The following ZNF33B variants were observed in gnomAD, a reference collection of about 807,000 sequenced individuals.
The protein encoded by ZNF33B is zinc finger protein 33B.
In ZNF33B, 29 loss-of-function variants were observed where a neutral mutation model predicts 45.8. That is an observed-to-expected ratio of 0.63 (90% CI 0.47 to 0.86). The LOEUF is 0.86. Among genes scored for constraint, ZNF33B ranks in the 40% least tolerant of loss-of-function variants. The probability of loss-of-function intolerance (pLI) is 0.00; values close to 1 mark genes in which losing one functional copy is unlikely to be tolerated. For synonymous variants in ZNF33B, 305 were observed against 307.8 expected (o/e 0.99, Z 0.10); for missense variants, 831 against 909.9 (o/e 0.91, Z 1.12).
rs1252686659 is a variant in ZNF33B at position 42,590,456 on chromosome 10, C to T, written c.*2157G>A. 6.6e-6 allele frequency: 1 copy of T among 152,226 alleles called. No homozygotes were observed. Among genetic ancestry groups the T allele is most frequent in the Non-Finnish European group, 1.5e-5 (1 of 68,104 alleles). 9.4% of individuals were successfully genotyped at this position (152,226 alleles called of 1,614,324 possible). ...CTGGAGTACAGTGGCACAATCTTGGCTCACTGCAACCTCCACCTCCCAGGT... is the reference window on the plus strand; with the variant it reads ...CTGGAGTACAGTGGCACAATCTTGGTTCACTGCAACCTCCACCTCCCAGGT... On this transcript the variant is annotated 3_prime_UTR_variant, in exon 5 of 5. Coordinates refer to ENST00000359467, the MANE Select transcript of ZNF33B (RefSeq NM_006955.3).
intron 4 of ZNF33B, among the ~76,000 whole-genome samples, chr10:42,628,965 CAAAAG>C (rs980077662): frequency 1.1e-4 from 17 of 152,066 alleles, no homozygotes; most frequent in African/African-American, 4.1e-4. Context: ...GATATATACC[CAAAAG>C]AAAAGAAATC....
At position 42,593,708 on chromosome 10, in the gene ZNF33B, C is replaced by T. The variant is rs7904627; in HGVS notation, c.1242G>A (p.Gln414=). 147,261 of 1,612,792 alleles carry T rather than the reference C, an allele frequency of 0.091. 9,562 individuals are homozygous for T. The highest frequency in any genetic ancestry group is 0.31 in the African/African-American group (23,234 of 74,662). The change falls in exon 5 of 5, where the codon CAG becomes CAA. Residue 414 remains glutamine (Q), a synonymous_variant. Coordinates refer to ENST00000359467, the MANE Select transcript of ZNF33B (RefSeq NM_006955.3). ...QRTHTGEKPY[Q]CNACGKTFYQ... ...AAAAAGTTTTCCCACATGCATTACA[C>T]TGATAGGGTTTCTCCCCTGTATGTG... is the stretch of plus-strand genomic sequence containing the variant.
chr10:42,613,534 C>T (rs1390799129), intron 4 of ZNF33B, among the ~76,000 whole-genome samples: 2 of 148,246 alleles, frequency 1.3e-5, no homozygotes, highest in Admixed American at 6.9e-5. Flanking sequence ...GGTGACAGAG[C>T]GAGACTCTCT....
At chr10:42,614,752 A>C (rs1489940806) in intron 4 of ZNF33B, among the ~76,000 whole-genome samples, 1 of 152,064 alleles carries the variant, frequency 6.6e-6, no homozygotes, top group Non-Finnish European at 1.5e-5. Flanking sequence ...TCAGGAGTTC[A>C]AGACCAGCCT....
At chr10:42,576,096 G>T (rs1038679510) in intron 1 of ZNF33B, among the ~76,000 whole-genome samples, 1 of 150,476 alleles carries the variant, frequency 6.6e-6, no homozygotes, top group South Asian at 2.4e-4. Context: ...TCACCATGTT[G>T]GCCAGGCTGG....
chr10:42,605,505 G>A (rs1837804872), intron 4 of ZNF33B, among the ~76,000 whole-genome samples: 1 of 151,670 alleles, frequency 6.6e-6, no homozygotes, highest in Non-Finnish European at 1.5e-5. Context: ...CAAAACAGAG[G>A]GTGAAAATTT....
At position 42,589,300 on chromosome 10, in the gene ZNF33B, T is replaced by C. The variant is rs1240693961; in HGVS notation, c.*3313A>G. Reference sequence around the variant, plus strand: ...TCATTTGTTACAATTGATGAGCCAATAGTGGTACACTGTTATTAACTGAAG... The same window carrying C: ...TCATTTGTTACAATTGATGAGCCAACAGTGGTACACTGTTATTAACTGAAG... On this transcript the variant is annotated 3_prime_UTR_variant, in exon 5 of 5. Transcript: ENST00000359467. The C allele has an allele frequency of 6.6e-6, 1 of 152,238 alleles. No homozygotes were observed. The highest frequency in any genetic ancestry group is 1.5e-5 in the Non-Finnish European group (1 of 68,032). 9.4% of individuals were successfully genotyped at this position (152,238 alleles called of 1,614,324 possible).
rs376076470 is a variant in ZNF33B, at chr10:42,634,638, A to G, written c.10-2199T>C. On this transcript the variant is annotated intron_variant, in intron 2 of 4. Coordinates refer to ENST00000359467, the MANE Select transcript of ZNF33B (RefSeq NM_006955.3). ...GAACACAGTCCAAAAAAACACACAG[A>G]CATATATGTACACATAATTGATGAA... Among the ~76,000 whole-genome samples, 37 of 152,316 alleles carry G rather than the reference A, an allele frequency of 2.4e-4. 1 individual carries two copies. Among genetic ancestry groups the G allele is most frequent in the African/African-American group, 8.4e-4 (35 of 41,580 alleles).
intron 2 of ZNF33B, 153 bp downstream of exon 2, chr10:42,636,767 G>T: frequency 1.0e-6 from 1 of 971,356 alleles, no homozygotes; most frequent in Non-Finnish European, 1.6e-6. Context: ...TTGCAAGGTT[G>T]CAGTGAACAG....
chr10:42,598,571 CTG>C (rs1837494015), intron 4 of ZNF33B, among the ~76,000 whole-genome samples: 1 of 152,210 alleles, frequency 6.6e-6, no homozygotes, highest in South Asian at 2.1e-4. Flanking sequence ...AAAGATAAAA[CTG>C]TGAAGAACTT....
chr10:42,575,009 G>T (rs1239914184), intron 1 of ZNF33B, among the ~76,000 whole-genome samples: 1 of 152,080 alleles, frequency 6.6e-6, no homozygotes, highest in African/African-American at 2.4e-5. Context: ...TCAACCAAGG[G>T]TATTACATGT....
chr10:42,582,648 T>C (rs1203509952), intron 1 of ZNF33B: 1 of 155,236 alleles, frequency 6.4e-6, no homozygotes, highest in Non-Finnish European at 1.4e-5. Context: ...AAGTGATTCT[T>C]GGTGTTGAGC....
At chr10:42,631,846 T>A in intron 4 of ZNF33B, 83 bp downstream of exon 4, 1 of 1,175,752 alleles carries the variant, frequency 8.5e-7, no homozygotes, top group Non-Finnish European at 1.3e-6. Flanking sequence ...TTGAAAAATG[T>A]TCCAAAGTTG....
At chr10:42,583,847 C>T (rs1836873624) in intron 1 of ZNF33B, among the ~76,000 whole-genome samples, 1 of 152,176 alleles carries the variant, frequency 6.6e-6, no homozygotes, top group South Asian at 2.1e-4. Context: ...CTTACGTCTT[C>T]TGACATCCTT....
intron 4 of ZNF33B, among the ~76,000 whole-genome samples, chr10:42,617,964 T>C (rs527242711): frequency 5.1e-4 from 77 of 152,274 alleles, no homozygotes; most frequent in Admixed American, 3.5e-3. Flanking sequence ...TCCATCCTTT[T>C]TGTGTGTGCT....
chr10:42,598,316 T>C (rs1837482973), intron 4 of ZNF33B, among the ~76,000 whole-genome samples: 1 of 152,224 alleles, frequency 6.6e-6, no homozygotes, highest in African/African-American at 2.4e-5. Context: ...GGGACAGACT[T>C]AGGGGAGAGA....
intron 4 of ZNF33B, among the ~76,000 whole-genome samples, chr10:42,629,778 T>C (rs1403846231): frequency 6.6e-6 from 1 of 152,200 alleles, no homozygotes; most frequent in East Asian, 1.9e-4. Context: ...CTAAATATTA[T>C]TTTAGATTCC....
At position 42,593,919 on chromosome 10, in the gene ZNF33B, A is replaced by G. The variant is rs761367646; in HGVS notation, c.1031T>C (p.Leu344Pro). The change falls in exon 5 of 5, where the codon CTC (leucine) becomes CCC (proline). Residue 344 changes from leucine to proline, a missense_variant. Leu to Pro is a moderately conservative substitution (Grantham distance 98). Coordinates refer to ENST00000359467, the MANE Select transcript of ZNF33B (RefSeq NM_006955.3). ...TGTGTGCACCCTCTGATGTCGAGTG[A>G]GATGTGACTTCTCCCAGAAAGCTTT... ...CGKAFWEKSHLTRHQRVHTGE... is the reference protein window; with the variant it reads ...CGKAFWEKSHPTRHQRVHTGE... 1 of 1,614,062 alleles carries G rather than the reference A, an allele frequency of 6.2e-7. No homozygotes were observed. The highest frequency in any genetic ancestry group is 8.5e-7 in the Non-Finnish European group (1 of 1,179,938).
At chr10:42,633,530 C>G (rs1341421742) in intron 2 of ZNF33B, among the ~76,000 whole-genome samples, 1 of 152,142 alleles carries the variant, frequency 6.6e-6, no homozygotes, top group African/African-American at 2.4e-5. Context: ...AATGTGGTCA[C>G]TAATTCATTA....
Sources: gnomAD v4.1 joint callset for allele counts (sites outside exome capture counted in the v4.1 genomes callset) on GRCh38, gnomAD v4.1.1 for gene constraint, MANE v1.5 for transcripts, NCBI Gene and HGNC (gene_info 2026-07-23, HGNC 2026-07-21) for gene names.